NOD1: variants seen among roughly 807,000 people sequenced by gnomAD.
NOD1 encodes the protein nucleotide-binding oligomerization domain-containing protein 1.
NOD1 carries 70 observed loss-of-function variants against 81.2 expected under a neutral mutation model. That is an observed-to-expected ratio of 0.86 (90% CI 0.71 to 1.05). The LOEUF (loss-of-function observed/expected upper bound fraction) is 1.05, where lower values mean the gene tolerates loss of function less well. Among genes scored for constraint, NOD1 ranks in the 50% least tolerant of loss-of-function variants. The probability of loss-of-function intolerance (pLI) is 0.00; values close to 1 mark genes in which losing one functional copy is unlikely to be tolerated. For missense variants in NOD1, 1,233 were observed against 1,228.0 expected (o/e 1.00, Z -0.06); for synonymous variants, 508 against 526.9 (o/e 0.96, Z 0.49).
chr7:30,451,479 C>A lies in NOD1; in HGVS notation c.1938G>T (p.Val646=), dbSNP rs1427269471. ...TCCAGATGAACGTGGGCATGGCCTG[C>A]ACCTGGTTGAAGCTTTCGACCTGAA... ...PRVQVESFNQ[V]QAMPTFIWML... is the part of the protein sequence containing the mutation. Residue 646 remains valine, a synonymous_variant, in exon 6 of 14, where the codon GTG becomes GTT. Coordinates refer to ENST00000222823, the MANE Select transcript of NOD1 (RefSeq NM_006092.4). The surrounding 1 kb of genome is among the most constrained non-coding windows in gnomAD (Gnocchi z 4.2). 1 of 1,613,236 alleles carries A rather than the reference C, an allele frequency of 6.2e-7. No homozygotes were observed. The highest frequency in any genetic ancestry group is 8.5e-7 in the Non-Finnish European group (1 of 1,179,978).
intron 12 of NOD1, 67 bp downstream of exon 12, chr7:30,433,028 TA>T: frequency 8.2e-7 from 1 of 1,224,594 alleles, no homozygotes; most frequent in Non-Finnish European, 1.2e-6. Flanking sequence ...TTACAGTATG[TA>T]AATTTTATCT....
At chr7:30,447,890 G>A (rs777166841) in intron 7 of NOD1, 10 of 178,626 alleles carry the variant, frequency 5.6e-5, no homozygotes, top group Non-Finnish European at 9.4e-5. Context: ...AGACCCCTGC[G>A]GCCACGTCAT....
chr7:30,433,040 C>A (rs1015520036), intron 12 of NOD1, 56 bp downstream of exon 12: 17 of 1,367,602 alleles, frequency 1.2e-5, no homozygotes, highest in South Asian at 6.0e-5. Context: ...AATTTTATCT[C>A]AAAAAATACT....
intron 5 of NOD1, among the ~76,000 whole-genome samples, chr7:30,454,146 G>A (rs1187258654): frequency 1.3e-5 from 2 of 152,222 alleles, no homozygotes; most frequent in Admixed American, 1.3e-4. Flanking sequence ...ACACTCTGCC[G>A]GCTGGCCTTG....
At position 30,457,067 on chromosome 7, in the gene NOD1, G is replaced by A. The variant is rs895645100; in HGVS notation, c.-121-25C>T. ...CCTGAAGAGATCAATGACATCATCA[G>A]CAAAGCAAAAGCTACAGAAAGAGCT... On this transcript the variant is annotated intron_variant, in intron 3 of 13. Transcript: ENST00000222823. The A allele has an allele frequency of 3.9e-5, 26 of 658,958 alleles. No individual in the cohort carries two copies. In the Admixed American group the frequency reaches 4.6e-4, roughly 12 times the overall value. 40.8% of individuals were successfully genotyped at this position (658,958 alleles called of 1,614,324 possible).
In NOD1 at chr7:30,446,965, AC is replaced by A. The variant is rs1785163778; in HGVS notation, c.2369+1del. On this transcript the variant is annotated splice_donor_variant, in intron 8 of 13. Coordinates refer to ENST00000222823, the MANE Select transcript of NOD1 (RefSeq NM_006092.4). LOFTEE classifies it high-confidence loss of function. ...AAGGAACCTGGTGCCTACCCCACTTACTTAAGATGCGTGAGGCCTTTGCATT... is the reference window on the plus strand; with the variant it reads ...AAGGAACCTGGTGCCTACCCCACTTATTAAGATGCGTGAGGCCTTTGCATT... The A allele has an allele frequency of 4.3e-6, 7 of 1,611,542 alleles. No homozygotes were observed. Among genetic ancestry groups the A allele is most frequent in the Non-Finnish European group, 5.1e-6 (6 of 1,178,486 alleles).
Position 30,451,749 on chromosome 7 carries a change from C to A in NOD1, c.1668G>T (p.Thr556=). 3 of 1,613,338 alleles carry A rather than the reference C, an allele frequency of 1.9e-6. No homozygotes were observed. Among genetic ancestry groups the A allele is most frequent in the Non-Finnish European group, 2.5e-6 (3 of 1,179,850 alleles). Residue 556 remains threonine, a synonymous_variant, in exon 6 of 14, where the codon ACG becomes ACT. Transcript: ENST00000222823. This position sits in a 1 kb window ranked among gnomAD's most constrained non-coding sequence, Gnocchi z 4.2. ...EWMPPAGAAT[T]SCYPPFLPFQ... ...ACGGGAGGAAGGGAGGATAGCAGGA[C>A]GTGGTCGCTGCCCCCGCAGGGGGCA...
intron 4 of NOD1, 27 bp from the exon 5 acceptor site, chr7:30,455,338 C>T (rs753952720): frequency 2.7e-5 from 44 of 1,600,378 alleles, no homozygotes; most frequent in Middle Eastern, 1.7e-4. Context: ...CATGAGGGCA[C>T]GGGCTGGCAT....
At chr7:30,476,761 G>A (rs746767056) in intron 1 of NOD1, among the ~76,000 whole-genome samples, 6 of 152,168 alleles carry the variant, frequency 3.9e-5, no homozygotes, top group South Asian at 2.1e-4. Flanking sequence ...CCATTAATAC[G>A]CCCTGGGGGA....
chr7:30,451,779 C>T lies in NOD1; in HGVS notation c.1638G>A (p.Glu546=). The T allele has an allele frequency of 6.2e-7, 1 of 1,613,846 alleles. No homozygotes were observed. ...TCGCTGCCCCCGCAGGGGGCATCCA[C>T]TCCTGGAAGAACCTGAGCAGCTCCT... ...GTQELLRFFQ[E]WMPPAGAATT... is the part of the protein sequence containing the mutation. Residue 546 remains glutamate, a synonymous_variant, in exon 6 of 14, where the codon GAG becomes GAA. Transcript: ENST00000222823. This position sits in a 1 kb window ranked among gnomAD's most constrained non-coding sequence, Gnocchi z 4.2.
At chr7:30,428,598 T>G (rs1163578249) in intron 13 of NOD1, 1 of 152,182 alleles carries the variant, frequency 6.6e-6, no homozygotes, top group African/African-American at 2.4e-5. Context: ...TATGACAAGT[T>G]CCAAACAAGT....
chr7:30,437,550 G>A (rs1784486800), intron 10 of NOD1, 23 bp downstream of exon 10: 3 of 1,471,550 alleles, frequency 2.0e-6, no homozygotes, highest in South Asian at 1.5e-5. Flanking sequence ...GTTGGCCCCT[G>A]GAGACAGCAG....
intron 1 of NOD1, chr7:30,460,561 C>T (rs1420417847): frequency 1.0e-6 from 1 of 985,254 alleles, no homozygotes; most frequent in African/African-American, 1.7e-5. Context: ...AAAAACCAAG[C>T]TAATGGAGGC....
Position 30,429,237 on chromosome 7 carries a change from A to T in NOD1, c.2789+137T>A, listed in dbSNP as rs558057005. On this transcript the variant is annotated intron_variant, in intron 13 of 13. Coordinates refer to ENST00000222823, the MANE Select transcript of NOD1 (RefSeq NM_006092.4). The stretch of plus-strand genomic sequence containing the variant: ...GTCTGGGCCTCTGTCTACCTCTGTA[A>T]AACAGAGGTAATACCATTACTGTGC... 68 of 768,594 alleles carry T rather than the reference A, an allele frequency of 8.8e-5. No homozygotes were observed. The African/African-American group carries it at 9.8e-4, about 11-fold the overall frequency. The allele number at this position is 768,594 out of a possible 1,614,324, so 47.6% of individuals were successfully genotyped here.
At chr7:30,472,489 C>T (rs1022431321) in intron 1 of NOD1, among the ~76,000 whole-genome samples, 5 of 152,258 alleles carry the variant, frequency 3.3e-5, no homozygotes, top group African/African-American at 1.2e-4. Context: ...ACTTAAAGCA[C>T]TTTCCACAAG....
In NOD1 at chr7:30,425,623, C is replaced by G. The variant is rs753639809; in HGVS notation, c.*15G>C. 7 of 1,607,190 alleles carry G rather than the reference C, an allele frequency of 4.4e-6. No homozygotes were observed. Among genetic ancestry groups the G allele is most frequent in the African/African-American group, 2.7e-5 (2 of 74,794 alleles). On this transcript the variant is annotated 3_prime_UTR_variant, in exon 14 of 14. Coordinates refer to ENST00000222823, the MANE Select transcript of NOD1 (RefSeq NM_006092.4). Reference sequence around the variant, plus strand: ...GGCTCCAGGGCAAAAACCCCATGAACAGGAAAGCATCCTCTCAGAAACAGA... The same window carrying G: ...GGCTCCAGGGCAAAAACCCCATGAAGAGGAAAGCATCCTCTCAGAAACAGA...
intron 1 of NOD1, among the ~76,000 whole-genome samples, chr7:30,476,344 G>A (rs1342279434): frequency 1.3e-5 from 2 of 152,184 alleles, no homozygotes; most frequent in Non-Finnish European, 2.9e-5. Flanking sequence ...CAGCACTGCT[G>A]TTAGGATCAA....
intron 11 of NOD1, among the ~76,000 whole-genome samples, chr7:30,434,445 C>A (rs1035601220): frequency 3.3e-5 from 5 of 152,092 alleles, no homozygotes; most frequent in African/African-American, 1.2e-4. Context: ...ACAGGACAGC[C>A]CTACCATAAT....
chr7:30,466,727 TC>T (rs1787732574), intron 1 of NOD1, among the ~76,000 whole-genome samples: 1 of 152,178 alleles, frequency 6.6e-6, no homozygotes. Flanking sequence ...AAAGGATCCC[TC>T]TTAGCACAGA....
Sources: allele counts gnomAD v4.1 joint callset (sites outside exome capture counted in the v4.1 genomes callset), GRCh38; gene constraint gnomAD v4.1.1; non-coding constraint Gnocchi (gnomAD v3.1); transcripts MANE v1.5; gene names NCBI Gene and HGNC (gene_info 2026-07-23, HGNC 2026-07-21).